Variants in GMDS observed in about 807,000 individuals in gnomAD.
GMDS encodes GDP-mannose 4,6 dehydratase.
A neutral mutation model predicts 49.9 loss-of-function variants in GMDS; 20 were observed. The observed-to-expected ratio is 0.40, with a 90% confidence interval of 0.28 to 0.58. The LOEUF (loss-of-function observed/expected upper bound fraction) is 0.58, where lower values mean the gene tolerates loss of function less well. Among genes scored for constraint, GMDS ranks in the 20% least tolerant of loss-of-function variants. The probability of loss-of-function intolerance (pLI) is 0.42; values close to 1 mark genes in which losing one functional copy is unlikely to be tolerated. For missense variants in GMDS, 362 were observed against 481.4 expected (o/e 0.75, Z 2.32); for synonymous variants, 177 against 178.6 (o/e 0.99, Z 0.07).
rs527648871 is a variant in GMDS at position 1,959,706 on chromosome 6, A to G, written c.643+161T>C. Reference sequence around the variant, plus strand: ...CTCAAAATAAAATTACAAAAAACTAAGGCTGGGTATACATTTCTTCATTTG... The same window carrying G: ...CTCAAAATAAAATTACAAAAAACTAGGGCTGGGTATACATTTCTTCATTTG... On this transcript the variant is annotated intron_variant, in intron 6 of 10. Transcript: ENST00000380815. The G allele has an allele frequency of 1.2e-5, 5 of 409,856 alleles. No individual in the cohort carries two copies. In the Admixed American group the frequency reaches 2.1e-4, roughly 18 times the overall value. The allele number at this position is 409,856 out of a possible 1,614,324, so 25.4% of individuals were successfully genotyped here.
chr6:1,642,846 T>A (rs940005465), intron 9 of GMDS, among the ~76,000 whole-genome samples: 11 of 152,228 alleles, frequency 7.2e-5, no homozygotes, highest in African/African-American at 2.7e-4. Flanking sequence ...CTCGGATCTC[T>A]GCTCCTAAAG....
At chr6:2,124,559 C>G in intron 2 of GMDS, 128 bp downstream of exon 2, 1 of 756,226 alleles carries the variant, frequency 1.3e-6, no homozygotes, top group Non-Finnish European at 2.3e-6. Context: ...CATTCTTCCC[C>G]GGATTCTGAT....
intron 4 of GMDS, among the ~76,000 whole-genome samples, chr6:1,971,636 C>T (rs1013635956): frequency 3.9e-5 from 6 of 152,126 alleles, no homozygotes; most frequent in African/African-American, 1.4e-4. Context: ...ACGCACCCTG[C>T]TCCCAGTGAC....
intron 1 of GMDS, among the ~76,000 whole-genome samples, chr6:2,182,326 A>T (rs1396275807): frequency 6.6e-6 from 1 of 152,262 alleles, no homozygotes; most frequent in Non-Finnish European, 1.5e-5. Context: ...AAGTGCTGAT[A>T]GAGAAGCTAC....
chr6:1,953,332 C>T (rs1269065933), intron 6 of GMDS, among the ~76,000 whole-genome samples: 1 of 152,136 alleles, frequency 6.6e-6, no homozygotes, highest in African/African-American at 2.4e-5. Flanking sequence ...AAAAAGAATG[C>T]TGAATATTAT....
chr6:1,903,539 C>CA (rs1404256758), intron 7 of GMDS, among the ~76,000 whole-genome samples: 1 of 152,230 alleles, frequency 6.6e-6, no homozygotes, highest in Non-Finnish European at 1.5e-5. Flanking sequence ...AAACAATTTA[C>CA]AGGTTCAGCA....
At chr6:2,230,178 G>T (rs989480090) in intron 1 of GMDS, among the ~76,000 whole-genome samples, 2 of 152,100 alleles carry the variant, frequency 1.3e-5, no homozygotes, top group Non-Finnish European at 2.9e-5. Context: ...AAATCCAAAC[G>T]TTAAGCATTA....
At chr6:1,666,729 G>A (rs9501751) in intron 9 of GMDS, among the ~76,000 whole-genome samples, 76,898 of 152,072 alleles carry the variant, frequency 0.51, 19,646 homozygotes, top group African/African-American at 0.58. Flanking sequence ...GGCTTCTCCT[G>A]TAACGTCTAC....
At chr6:2,029,269 C>G (rs1475605022) in intron 4 of GMDS, among the ~76,000 whole-genome samples, 2 of 152,002 alleles carry the variant, frequency 1.3e-5, no homozygotes, top group African/African-American at 4.8e-5. Flanking sequence ...ACACCCTAAC[C>G]AGATATTTTG....
At chr6:1,903,050 T>C (rs1472507651) in intron 7 of GMDS, among the ~76,000 whole-genome samples, 1 of 152,178 alleles carries the variant, frequency 6.6e-6, no homozygotes, top group Admixed American at 6.5e-5. Context: ...CTATTATAAA[T>C]TGCACAGCAA....
chr6:1,894,004 G>A (rs984918969), intron 7 of GMDS, among the ~76,000 whole-genome samples: 1 of 152,144 alleles, frequency 6.6e-6, no homozygotes, highest in African/African-American at 2.4e-5. Context: ...AGGATGGAAG[G>A]CACAGTTGGG....
chr6:2,034,239 G>A (rs571108620), intron 4 of GMDS, among the ~76,000 whole-genome samples: 7 of 152,182 alleles, frequency 4.6e-5, no homozygotes, highest in South Asian at 2.1e-4. Context: ...CATCTCTGTT[G>A]TATAATCATC....
intron 7 of GMDS, among the ~76,000 whole-genome samples, chr6:1,839,245 G>A (rs1297130353): frequency 1.3e-5 from 2 of 152,168 alleles, no homozygotes; most frequent in African/African-American, 2.4e-5. Context: ...TGAGCCAGGG[G>A]ACCCAGATCT....
chr6:1,643,923 C>A (rs1763410701), intron 9 of GMDS, among the ~76,000 whole-genome samples: 1 of 152,156 alleles, frequency 6.6e-6, no homozygotes, highest in South Asian at 2.1e-4. Context: ...AGCAAAGCAC[C>A]CTGCAGGTGG....
At chr6:1,675,718 T>A (rs1764597379) in intron 9 of GMDS, among the ~76,000 whole-genome samples, 2 of 152,070 alleles carry the variant, frequency 1.3e-5, no homozygotes, top group African/African-American at 4.8e-5. Context: ...CCGGGTGTGA[T>A]GGCAGGTGCC....
Position 1,937,588 on chromosome 6 carries a change from C to T in GMDS, c.644-7358G>A, listed in dbSNP as rs567166592. ...CTGATGCTGTCTCAGCATGTGATGG[C>T]ATTCCTTGGCTTGTGGTCCAATCTC... On this transcript the variant is annotated intron_variant, in intron 6 of 10. Coordinates refer to ENST00000380815, the MANE Select transcript of GMDS (RefSeq NM_001500.4). 6.6e-5 allele frequency among the ~76,000 whole-genome samples: 10 copies of T among 152,282 alleles called. No individual in the cohort carries two copies. In the East Asian group the frequency reaches 1.7e-3, roughly 26 times the overall value.
At chr6:2,125,195 T>C (rs1236816046) in intron 1 of GMDS, among the ~76,000 whole-genome samples, 1 of 152,130 alleles carries the variant, frequency 6.6e-6, no homozygotes, top group African/African-American at 2.4e-5. Flanking sequence ...CCTGGTACTT[T>C]GGGAGGTCAA....
At chr6:2,242,619 A>G (rs1781662674) in intron 1 of GMDS, among the ~76,000 whole-genome samples, 1 of 152,210 alleles carries the variant, frequency 6.6e-6, no homozygotes, top group Admixed American at 6.5e-5. Flanking sequence ...TTCTTAGAGT[A>G]AGACTATTTA....
intron 4 of GMDS, among the ~76,000 whole-genome samples, chr6:2,018,661 A>G (rs1299355084): frequency 6.6e-6 from 1 of 152,234 alleles, no homozygotes; most frequent in African/African-American, 2.4e-5. Context: ...AAGTTGTAGC[A>G]TAAGTACTTC....
Sources: gnomAD v4.1 joint callset for allele counts (sites outside exome capture counted in the v4.1 genomes callset) on GRCh38, gnomAD v4.1.1 for gene constraint, MANE v1.5 for transcripts, NCBI Gene and HGNC (gene_info 2026-07-23, HGNC 2026-07-21) for gene names.